CEP135: variants seen among roughly 807,000 people sequenced by gnomAD.
The protein encoded by CEP135 is centrosomal protein 135, also known as centrosomal protein of 135 kDa.
Under a neutral mutation model 157.3 loss-of-function variants are expected in CEP135, and 142 were observed. The ratio of observed to expected loss-of-function variants is 0.90; its 90% CI spans 0.79 to 1.04. The LOEUF is 1.04. CEP135 is among the 50% of genes least tolerant of loss of function. The pLI, the probability that CEP135 is intolerant of heterozygous loss-of-function variation, is 0.00. For missense variants in CEP135, 1,317 were observed against 1,309.2 expected (o/e 1.01, Z -0.09); for synonymous variants, 396 against 439.8 (o/e 0.90, Z 1.25).
At chr4:56,013,135 A>G (rs1167219673) in intron 21 of CEP135, among the ~76,000 whole-genome samples, 4 of 152,080 alleles carry the variant, frequency 2.6e-5, no homozygotes, top group African/African-American at 7.2e-5. Context: ...CATTTCCTTA[A>G]TGGTTAGTGA....
chr4:55,985,602 G>A (rs1391142343), intron 14 of CEP135, among the ~76,000 whole-genome samples: 3 of 151,886 alleles, frequency 2.0e-5, no homozygotes, highest in East Asian at 1.9e-4. Context: ...CTACAGTTGC[G>A]TGCCACCATG....
chr4:56,007,493 T>G (rs376119237), intron 17 of CEP135, among the ~76,000 whole-genome samples: 9 of 152,252 alleles, frequency 5.9e-5, no homozygotes, highest in African/African-American at 2.2e-4. Flanking sequence ...TTGGGTGTCT[T>G]TGGCTGAGTA....
chr4:55,966,153 T>C, intron 8 of CEP135: 1 of 275,882 alleles, frequency 3.6e-6, no homozygotes, highest in African/African-American at 2.2e-5. Flanking sequence ...TATCTATGCA[T>C]TGTGAGAGAG....
At chr4:55,992,799 A>AT (rs781393987) in intron 15 of CEP135, among the ~76,000 whole-genome samples, 35 of 152,222 alleles carry the variant, frequency 2.3e-4, no homozygotes, top group Non-Finnish European at 3.5e-4. Flanking sequence ...ACCTTAGCAT[A>AT]TTGGGTTGTT....
chr4:55,994,107 A>G (rs573519907), intron 15 of CEP135, among the ~76,000 whole-genome samples: 51 of 152,316 alleles, frequency 3.3e-4, no homozygotes, highest in African/African-American at 1.2e-3. Flanking sequence ...AAGCGAAACC[A>G]AATACAAACC....
At chr4:55,957,439 T>G in intron 5 of CEP135, 75 bp downstream of exon 5, 4 of 1,412,948 alleles carry the variant, frequency 2.8e-6, no homozygotes, top group Non-Finnish European at 3.9e-6. Context: ...ATAGGAGGGC[T>G]TTTTTTCTTG....
chr4:56,001,553 A>G (rs1046061108), intron 17 of CEP135, among the ~76,000 whole-genome samples: 5 of 152,168 alleles, frequency 3.3e-5, no homozygotes, highest in Admixed American at 3.3e-4. Context: ...CTTGTTGAAA[A>G]TGAGTTGGCT....
intron 4 of CEP135, among the ~76,000 whole-genome samples, chr4:55,956,265 T>C (rs1231946743): frequency 2.6e-5 from 4 of 152,234 alleles, no homozygotes; most frequent in African/African-American, 9.6e-5. Flanking sequence ...GGATTATGTT[T>C]GTTCTTCACA....
In CEP135 at chr4:55,971,415, T is replaced by C. The variant is rs375661378; in HGVS notation, c.1249+7T>C. On this transcript the variant is annotated splice_region_variant and intron_variant, in intron 10 of 25. Transcript: ENST00000257287. ...GAAAGTTTTGCAGTTACAGGTAAGATGTCAAATTTTGATAGCTAAAGAATG... is the reference window on the plus strand; with the variant it reads ...GAAAGTTTTGCAGTTACAGGTAAGACGTCAAATTTTGATAGCTAAAGAATG... The C allele has an allele frequency of 6.9e-5, 110 of 1,586,486 alleles. No individual in the cohort carries two copies. The highest frequency in any genetic ancestry group is 8.4e-5 in the Non-Finnish European group (98 of 1,171,812).
rs377413753 is a variant in CEP135 at position 56,009,840 on chromosome 4, A to C, written c.2442A>C (p.Glu814Asp). The C allele has an allele frequency of 2.2e-5, 35 of 1,614,082 alleles. No individual in the cohort carries two copies. In the African/African-American group the frequency reaches 4.3e-4, roughly 20 times the overall value. Residue 814 changes from glutamate (E) to aspartate (D), a missense_variant, in exon 19 of 26, where the codon GAA becomes GAC. Glu to Asp is a conservative substitution (Grantham distance 45). Transcript: ENST00000257287. Reference protein sequence around the residue: ...KELDEVGRSREIAFKENRRLQ... With the variant: ...KELDEVGRSRDIAFKENRRLQ... ...TCGATGAAGTAGGAAGATCTAGAGA[A>C]ATCGCTTTTAAGGAAAACAGAAGAC...
At chr4:55,961,763 CTAAAAAAAAAAAAAAAA>C (rs1728687055) in intron 6 of CEP135, among the ~76,000 whole-genome samples, 1 of 42,068 alleles carries the variant, frequency 2.4e-5, no homozygotes, top group Non-Finnish European at 3.8e-5. Context: ...AAAACTCTGT[CTAAAAAAAAAAAAAAAA>C]AAAAAAAAAA....
intron 1 of CEP135, among the ~76,000 whole-genome samples, chr4:55,951,306 TA>T (rs1164200191): frequency 3.3e-5 from 5 of 152,208 alleles, no homozygotes; most frequent in African/African-American, 9.7e-5. Context: ...TTTAACTTTA[TA>T]AAAAAACTGC....
At chr4:56,029,762 G>GA (rs1362332510) in intron 25 of CEP135, among the ~76,000 whole-genome samples, 1 of 152,128 alleles carries the variant, frequency 6.6e-6, no homozygotes, top group Non-Finnish European at 1.5e-5. Flanking sequence ...TCTAAACAGA[G>GA]AAAACATACA....
At chr4:55,994,263 A>G (rs1729890675) in intron 15 of CEP135, among the ~76,000 whole-genome samples, 1 of 152,156 alleles carries the variant, frequency 6.6e-6, no homozygotes, top group Non-Finnish European at 1.5e-5. Context: ...GCTGAGAGTC[A>G]GGGCCAGGCA....
chr4:56,009,009 C>T (rs1730463879), intron 18 of CEP135, among the ~76,000 whole-genome samples: 1 of 152,098 alleles, frequency 6.6e-6, no homozygotes, highest in East Asian at 1.9e-4. Context: ...GGTGATCCTC[C>T]CACCTCAGCC....
At chr4:55,970,600 G>T (rs1452793698) in intron 9 of CEP135, among the ~76,000 whole-genome samples, 1 of 152,214 alleles carries the variant, frequency 6.6e-6, no homozygotes, top group Non-Finnish European at 1.5e-5. Context: ...TGTTGGATGT[G>T]ATTCATAATA....
In CEP135 at chr4:55,959,689, G is replaced by T; in HGVS notation, c.622G>T (p.Glu208Ter). 1 of 1,613,798 alleles carries T rather than the reference G, an allele frequency of 6.2e-7. No individual in the cohort carries two copies. Among genetic ancestry groups the T allele is most frequent in the African/African-American group, 1.3e-5 (1 of 75,028 alleles). ...LLQVADNRIQ[E>*]LQQEVHQLQE... ...ATTTAAAGTGCTTTTCAGGATTCAA[G>T]AACTTCAACAGGAAGTCCACCAGCT... Residue 208 changes from glutamate (E) to a stop codon, truncating the protein, a stop_gained, in exon 6 of 26, where the codon GAA becomes TAA. Transcript: ENST00000257287. LOFTEE classifies it high-confidence loss of function.
At chr4:56,008,211 A>G (rs1376623403) in intron 17 of CEP135, 116 bp from the exon 18 acceptor site, 2 of 690,600 alleles carry the variant, frequency 2.9e-6, no homozygotes, top group Non-Finnish European at 5.0e-6. Flanking sequence ...GCTTTGTTTT[A>G]GGCATACTTT....
intron 25 of CEP135, among the ~76,000 whole-genome samples, chr4:56,026,166 G>A (rs1031069069): frequency 1.3e-5 from 2 of 152,002 alleles, no homozygotes; most frequent in Non-Finnish European, 1.5e-5. Context: ...CCCAGATCGC[G>A]CCACTGCACT....
Sources: gnomAD v4.1 joint callset for allele counts (sites outside exome capture counted in the v4.1 genomes callset) on GRCh38, gnomAD v4.1.1 for gene constraint, MANE v1.5 for transcripts, NCBI Gene and HGNC (gene_info 2026-07-23, HGNC 2026-07-21) for gene names.